The following CLVS1 variants were observed in gnomAD, a reference collection of about 807,000 sequenced individuals.
CLVS1 encodes clavesin 1, also known as clavesin-1.
CLVS1 carries 10 observed loss-of-function variants against 33.1 expected under a neutral mutation model. The observed-to-expected ratio is 0.30, with a 90% confidence interval of 0.19 to 0.51. The LOEUF (loss-of-function observed/expected upper bound fraction) is 0.51, where lower values mean the gene tolerates loss of function less well. CLVS1 is among the 20% of genes least tolerant of loss of function. CLVS1 has a pLI of 0.97. For missense variants in CLVS1, 343 were observed against 433.4 expected (o/e 0.79, Z 1.85); for synonymous variants, 163 against 166.1 (o/e 0.98, Z 0.14).
At chr8:61,184,511 G>A (rs932255728) in intron 2 of CLVS1, among the ~76,000 whole-genome samples, 7 of 152,192 alleles carry the variant, frequency 4.6e-5, no homozygotes, top group African/African-American at 1.7e-4. Context: ...GGGGTGCAAG[G>A]GGTTAAGGGA....
intron 1 of CLVS1, among the ~76,000 whole-genome samples, chr8:61,112,191 C>CAA (rs1805639912): frequency 1.6e-5 from 2 of 126,706 alleles, no homozygotes; most frequent in African/African-American, 7.1e-5. Context: ...CACACACACA[C>CAA]ACACACACAC....
chr8:61,389,746 C>T (rs1317112358), intron 3 of CLVS1, among the ~76,000 whole-genome samples: 1 of 152,144 alleles, frequency 6.6e-6, no homozygotes, highest in African/African-American at 2.4e-5. Flanking sequence ...CAGTCATATT[C>T]AACAAGCATT....
chr8:61,423,126 C>T (rs1815746832), intron 3 of CLVS1, among the ~76,000 whole-genome samples: 1 of 152,182 alleles, frequency 6.6e-6, no homozygotes, highest in Non-Finnish European at 1.5e-5. Flanking sequence ...TGTCCCACCC[C>T]TCCTCCTCTG....
At chr8:61,315,079 A>C (rs2129595734) in intron 2 of CLVS1, among the ~76,000 whole-genome samples, 1 of 152,262 alleles carries the variant, frequency 6.6e-6, no homozygotes, top group East Asian at 1.9e-4. Context: ...CGGAAAACCT[A>C]GGCAGTTTTT....
At chr8:61,045,671 G>T in the CLVS1 span, among the ~76,000 whole-genome samples, 1 of 152,144 alleles carries the variant, frequency 6.6e-6, no homozygotes, top group Non-Finnish European at 1.5e-5. Context: ...AAGTGGCTTT[G>T]TTCATCATTT....
chr8:61,476,778 A>G (rs925608549), intron 5 of CLVS1, among the ~76,000 whole-genome samples: 10 of 152,280 alleles, frequency 6.6e-5, no homozygotes, highest in African/African-American at 2.4e-4. Flanking sequence ...TCCTAATTGA[A>G]TACCCTTTAT....
chr8:61,145,561 G>T (rs893063935), intron 2 of CLVS1, among the ~76,000 whole-genome samples: 1 of 152,210 alleles, frequency 6.6e-6, no homozygotes, highest in Non-Finnish European at 1.5e-5. Flanking sequence ...CATCTTGCCT[G>T]TCCTTCCCCC....
At chr8:61,035,191 T>TTTTC in the CLVS1 span, among the ~76,000 whole-genome samples, 1 of 146,480 alleles carries the variant, frequency 6.8e-6, no homozygotes, top group East Asian at 2.0e-4. Context: ...TTTTTTCTTT[T>TTTTC]TTTTTTTTTT....
At chr8:61,344,391 G>A (rs564195416) in intron 2 of CLVS1, among the ~76,000 whole-genome samples, 1 of 152,258 alleles carries the variant, frequency 6.6e-6, no homozygotes, top group African/African-American at 2.4e-5. Flanking sequence ...CCACTGTCTG[G>A]CTCTAGAGCT....
chr8:61,038,678 A>G, the CLVS1 span, among the ~76,000 whole-genome samples: 119 of 152,262 alleles, frequency 7.8e-4, no homozygotes, highest in Admixed American at 1.7e-3. Flanking sequence ...GGAAACTTCT[A>G]TCTCAAGCCC....
At chr8:61,040,009 A>C in the CLVS1 span, among the ~76,000 whole-genome samples, 2 of 152,144 alleles carry the variant, frequency 1.3e-5, no homozygotes. Context: ...CACTCCTTCT[A>C]GTAGTCCTCA....
intron 3 of CLVS1, among the ~76,000 whole-genome samples, chr8:61,418,052 C>T (rs967856256): frequency 7.2e-5 from 11 of 152,224 alleles, no homozygotes; most frequent in Non-Finnish European, 8.8e-5. Context: ...AGAAATCTTG[C>T]TCTCAACCAG....
intron 2 of CLVS1, among the ~76,000 whole-genome samples, chr8:61,329,938 A>G (rs540958046): frequency 6.6e-6 from 1 of 152,240 alleles, no homozygotes; most frequent in African/African-American, 2.4e-5. Context: ...CATTAGCTTT[A>G]GACTCTAAAG....
At chr8:61,122,766 C>T (rs920915430) in intron 1 of CLVS1, among the ~76,000 whole-genome samples, 9 of 152,140 alleles carry the variant, frequency 5.9e-5, no homozygotes, top group Non-Finnish European at 7.4e-5. Context: ...GTGGATAATA[C>T]CAAAAGACCA....
the CLVS1 span, among the ~76,000 whole-genome samples, chr8:60,986,588 A>T: frequency 6.6e-6 from 1 of 152,274 alleles, no homozygotes. Flanking sequence ...GAATTGAGCC[A>T]ACTCTGGAAC....
intron 3 of CLVS1, among the ~76,000 whole-genome samples, chr8:61,411,631 T>A (rs1815229055): frequency 6.6e-6 from 1 of 152,204 alleles, no homozygotes; most frequent in Non-Finnish European, 1.5e-5. Flanking sequence ...CTGTGGGTAC[T>A]TCTAAAGAGG....
At chr8:61,187,815 A>T (rs1027250499) in intron 2 of CLVS1, among the ~76,000 whole-genome samples, 5 of 149,894 alleles carry the variant, frequency 3.3e-5, no homozygotes, top group Non-Finnish European at 7.4e-5. Context: ...GATTATATAT[A>T]ATTGATTATA....
chr8:61,145,872 G>A (rs1233266403), intron 2 of CLVS1, among the ~76,000 whole-genome samples: 2 of 152,158 alleles, frequency 1.3e-5, no homozygotes, highest in African/African-American at 2.4e-5. Context: ...ATTCTGTCAC[G>A]TAAGTGTTAC....
the CLVS1 span, among the ~76,000 whole-genome samples, chr8:60,973,359 G>T: frequency 7.9e-5 from 12 of 152,166 alleles, no homozygotes; most frequent in Admixed American, 6.5e-5. Flanking sequence ...ATAAACATTT[G>T]CTATGAGTTT....
Sources: gnomAD v4.1 joint callset for allele counts (sites outside exome capture counted in the v4.1 genomes callset) on GRCh38, gnomAD v4.1.1 for gene constraint, MANE v1.5 for transcripts, NCBI Gene and HGNC (gene_info 2026-07-23, HGNC 2026-07-21) for gene names.